The following SYNE2 variants were observed in gnomAD, a reference collection of about 807,000 sequenced individuals.
SYNE2 encodes nesprin-2.
In SYNE2, 431 loss-of-function variants were observed where a neutral mutation model predicts 856.3. The ratio of observed to expected loss-of-function variants is 0.50; its 90% CI spans 0.47 to 0.55. The LOEUF is 0.55. Among genes scored for constraint, SYNE2 ranks in the 20% least tolerant of loss-of-function variants. The pLI is 0.00. For missense variants in SYNE2, 8,129 were observed against 8,023.2 expected (o/e 1.01, Z -0.50); for synonymous variants, 2,923 against 2,872.3 (o/e 1.02, Z -0.56).
chr14:64,033,515 C>A (rs1265210403), intron 45 of SYNE2, among the ~76,000 whole-genome samples: 5 of 141,096 alleles, frequency 3.5e-5, no homozygotes, highest in African/African-American at 5.3e-5. Context: ...CCAGTCTCTA[C>A]AAAAAAAAAA....
At chr14:63,798,484 C>T (rs1220761541) in intron 1 of SYNE2, among the ~76,000 whole-genome samples, 3 of 151,400 alleles carry the variant, frequency 2.0e-5, no homozygotes, top group Non-Finnish European at 4.4e-5. Context: ...ACCTCCGCCT[C>T]CTAGGCTCAA....
rs1044049604 is a variant in SYNE2, at chr14:63,997,490, T to C, written c.3243+99T>C. On this transcript the variant is annotated intron_variant, in intron 25 of 115. Transcript: ENST00000555002. ...ATTAATTAGGTGTTGGTTTTAATTA[T>C]TCGATTGTTTTTATCAATGGAGAAT... 4 of 1,007,700 alleles carry C rather than the reference T, an allele frequency of 4.0e-6. No homozygotes were observed. The African/African-American group carries it at 4.8e-5, about 12-fold the overall frequency. 62.4% of individuals were successfully genotyped at this position (1,007,700 alleles called of 1,614,324 possible). A position where few individuals can be genotyped will look rare whatever the true frequency, so the allele number is the denominator to read the frequency against.
rs111726753 is a variant in SYNE2 at position 64,211,124 on chromosome 14, G to A, written c.18724-837G>A. ...AGCCTCCTGAGTAACTAGGATTACC[G>A]GCGTGCATCACTGTGCCTGGCTGAT... On this transcript the variant is annotated intron_variant, in intron 103 of 115. Transcript: ENST00000555002. Among the ~76,000 whole-genome samples, 687 of 152,200 alleles carry A rather than the reference G, an allele frequency of 4.5e-3. 2 individuals carry two copies. The highest frequency in any genetic ancestry group is 0.015 in the African/African-American group (629 of 41,516).
chr14:63,843,603 T>A (rs1183404453), intron 1 of SYNE2, among the ~76,000 whole-genome samples: 1 of 152,174 alleles, frequency 6.6e-6, no homozygotes, highest in African/African-American at 2.4e-5. Context: ...ACTAAGTGAT[T>A]AAGGTGCTGA....
rs2098716379 is a variant in SYNE2 at position 64,225,837 on chromosome 14, A to AAAAC, written c.*313_*316dup. 1 of 585,902 alleles carries AAAAC rather than the reference A, an allele frequency of 1.7e-6. No individual in the cohort carries two copies. Among genetic ancestry groups the AAAAC allele is most frequent in the Non-Finnish European group, 3.0e-6 (1 of 328,764 alleles). The allele number at this position is 585,902 out of a possible 1,614,324, so 36.3% of individuals were successfully genotyped here. ...ACTTTGTGAATTCTGGTTTGTTTGT[A>AAAAC]AAACAGCATTATTATAATGTAGGTA... On this transcript the variant is annotated 3_prime_UTR_variant, in exon 116 of 116. Coordinates refer to ENST00000555002, the MANE Select transcript of SYNE2 (RefSeq NM_182914.3).
intron 101 of SYNE2, chr14:64,209,148 G>A: frequency 4.7e-6 from 4 of 856,148 alleles, no homozygotes; most frequent in East Asian, 2.6e-5. Flanking sequence ...CCTGTGTGGG[G>A]TGTGGCTGTG....
intron 78 of SYNE2, among the ~76,000 whole-genome samples, chr14:64,136,406 A>C (rs1477729015): frequency 6.6e-6 from 1 of 150,684 alleles, no homozygotes; most frequent in African/African-American, 2.4e-5. Context: ...TTTTCTTTTA[A>C]TACAGATGCT....
In SYNE2 at chr14:64,065,574, G is replaced by A. The variant is rs369681118; in HGVS notation, c.10355G>A (p.Ser3452Asn). The change falls in exon 51 of 116, where the codon AGT (serine) becomes AAT (asparagine). Residue 3452 changes from serine (S) to asparagine (N), a missense_variant. This residue lies in a region of SYNE2 where 5,410 missense variants were observed against 5,284.8 expected (regional missense o/e 1.02). Coordinates refer to ENST00000555002, the MANE Select transcript of SYNE2 (RefSeq NM_182914.3). Reference sequence around the variant, plus strand: ...TCGGCTCTGTGGGAGAAATGGCTGAGTTTGCTGGAAGCTGCTAAAGAGTGG... The same window carrying A: ...TCGGCTCTGTGGGAGAAATGGCTGAATTTGCTGGAAGCTGCTAAAGAGTGG... ...IVSALWEKWL[S>N]LLEAAKEWEM... 2 of 1,614,090 alleles carry A rather than the reference G, an allele frequency of 1.2e-6. No homozygotes were observed. Among genetic ancestry groups the A allele is most frequent in the Non-Finnish European group, 1.7e-6 (2 of 1,180,052 alleles).
At chr14:63,910,230 A>G (rs1219717800) in intron 2 of SYNE2, among the ~76,000 whole-genome samples, 1 of 152,228 alleles carries the variant, frequency 6.6e-6, no homozygotes, top group African/African-American at 2.4e-5. Context: ...TATGGTAAAG[A>G]TGCCAAAATT....
intron 77 of SYNE2, among the ~76,000 whole-genome samples, 173 bp from the exon 78 acceptor site, chr14:64,133,896 A>G (rs189963951): frequency 3.3e-5 from 5 of 152,310 alleles, no homozygotes; most frequent in African/African-American, 1.2e-4. Context: ...ATTCTTTTCC[A>G]TTAGATGCTG....
chr14:63,990,669 T>G, intron 20 of SYNE2, 100 bp downstream of exon 20: 1 of 1,080,416 alleles, frequency 9.3e-7, no homozygotes, highest in Non-Finnish European at 1.4e-6. Flanking sequence ...AGCTTGGAAA[T>G]GTTTTGTAAA....
intron 1 of SYNE2, among the ~76,000 whole-genome samples, chr14:63,818,602 A>G (rs1889096777): frequency 6.6e-6 from 1 of 152,120 alleles, no homozygotes; most frequent in African/African-American, 2.4e-5. Flanking sequence ...CATCTACATA[A>G]AACATACAGA....
At chr14:64,011,788 C>T (rs1322548932) in intron 32 of SYNE2, among the ~76,000 whole-genome samples, 1 of 152,206 alleles carries the variant, frequency 6.6e-6, no homozygotes, top group Non-Finnish European at 1.5e-5. Flanking sequence ...TAACTATAAA[C>T]TATACTTTCT....
Position 63,983,874 on chromosome 14 carries a change from T to A in SYNE2, c.2139T>A (p.Asn713Lys), listed in dbSNP as rs762621535. ...CAGTAGAACTTCCTGAAAATTATAA[T>A]CAAAATATAAAGGTAAAATAATCAT... The part of the protein sequence containing the change: ...DMSVELPENY[N>K]QNIKAGEKHE... Residue 713 changes from asparagine to lysine, a missense_variant, in exon 18 of 116, where the codon AAT becomes AAA. Asn to Lys is a moderately conservative substitution (Grantham distance 94). Transcript: ENST00000555002. 5 of 1,544,146 alleles carry A rather than the reference T, an allele frequency of 3.2e-6. No individual in the cohort carries two copies. In the South Asian group the frequency reaches 5.7e-5, roughly 18 times the overall value.
intron 2 of SYNE2, among the ~76,000 whole-genome samples, chr14:63,926,576 TGTA>T (rs2095668971): frequency 6.6e-6 from 1 of 152,180 alleles, no homozygotes; most frequent in African/African-American, 2.4e-5. Flanking sequence ...CCAATAAAAC[TGTA>T]TTTACAAAAG....
chr14:63,990,614 C>T (rs1203548884), intron 20 of SYNE2, 45 bp downstream of exon 20: 1 of 1,578,454 alleles, frequency 6.3e-7, no homozygotes. Context: ...TTCTCTAAAA[C>T]TGAGGGGTCA....
Position 64,053,560 on chromosome 14 carries a change from G to T in SYNE2, c.9647G>T (p.Arg3216Ile), listed in dbSNP as rs1284135037. 1 of 1,614,202 alleles carries T rather than the reference G, an allele frequency of 6.2e-7. No individual in the cohort carries two copies. Among genetic ancestry groups the T allele is most frequent in the Non-Finnish European group, 8.5e-7 (1 of 1,180,010 alleles). ...GCTGTGACTGCTATTGAGAAACAAA[G>T]AGAAGAAAACTCTTCTGAAGCGAGT... ...IKAVTAIEKQREENSSEASDV... is the reference protein window; with the variant it reads ...IKAVTAIEKQIEENSSEASDV... The change falls in exon 48 of 116, where the codon AGA becomes ATA. Residue 3216 changes from arginine to isoleucine, a missense_variant. By Grantham distance (97) the Arg-to-Ile change is moderately conservative. Transcript: ENST00000555002.
chr14:64,186,471 T>C lies in SYNE2; in HGVS notation c.17604T>C (p.Leu5868=), dbSNP rs1274560455. The part of the protein sequence containing the change: ...LASWTQNLKE[L]QTMKADLTRH... ...GCTGGACTCAGAACTTGAAAGAACT[T>C]CAAACTATGAAGGCGGACTTAACCC... Residue 5868 remains leucine (L), a synonymous_variant, in exon 97 of 116, where the codon CTT becomes CTC. Coordinates refer to ENST00000555002, the MANE Select transcript of SYNE2 (RefSeq NM_182914.3). The C allele has an allele frequency of 1.9e-6, 3 of 1,614,086 alleles. No individual in the cohort carries two copies. Among genetic ancestry groups the C allele is most frequent in the Non-Finnish European group, 2.5e-6 (3 of 1,180,040 alleles).
chr14:64,133,470 G>A (rs947290831), intron 77 of SYNE2, among the ~76,000 whole-genome samples: 3 of 152,134 alleles, frequency 2.0e-5, no homozygotes, highest in Non-Finnish European at 4.4e-5. Flanking sequence ...GCTCTGTGGT[G>A]TGTTGGGGTC....
Sources: allele counts gnomAD v4.1 joint callset (sites outside exome capture counted in the v4.1 genomes callset), GRCh38; gene constraint gnomAD v4.1.1; regional missense constraint gnomAD v4.1.1; transcripts MANE v1.5; gene names NCBI Gene and HGNC (gene_info 2026-07-23, HGNC 2026-07-21).